Variants in CTNNA3 observed in about 807,000 individuals in gnomAD.
The protein encoded by CTNNA3 is catenin alpha 3, also known as catenin alpha-3.
CTNNA3 carries 76 observed loss-of-function variants against 95.7 expected under a neutral mutation model. The ratio of observed to expected loss-of-function variants is 0.79; its 90% CI spans 0.66 to 0.96. CTNNA3 has a LOEUF of 0.96. CTNNA3 is among the 40% of genes least tolerant of loss of function. The probability of loss-of-function intolerance (pLI) is 0.00; values close to 1 mark genes in which losing one functional copy is unlikely to be tolerated. For missense variants in CTNNA3, 1,191 were observed against 1,089.8 expected, an observed-to-expected ratio of 1.09 and a Z score of -1.31; for synonymous variants, 431 against 374.4, an observed-to-expected ratio of 1.15 and a Z score of -1.74.
chr10:66,861,801 C>A (rs1409632472), intron 7 of CTNNA3, among the ~76,000 whole-genome samples: 4 of 152,198 alleles, frequency 2.6e-5, no homozygotes, highest in Non-Finnish European at 5.9e-5. Context: ...CTCACTGATT[C>A]ACCAAAATTT....
intron 6 of CTNNA3, among the ~76,000 whole-genome samples, chr10:67,204,252 C>T (rs576428997): frequency 7.9e-5 from 12 of 152,152 alleles, no homozygotes; most frequent in African/African-American, 1.9e-4. Flanking sequence ...AGGGGCTTGG[C>T]GGGAGGTGAT....
chr10:66,555,468 T>C (rs1842361729), intron 10 of CTNNA3, among the ~76,000 whole-genome samples: 1 of 152,138 alleles, frequency 6.6e-6, no homozygotes, highest in Non-Finnish European at 1.5e-5. Context: ...TACTTAAAAA[T>C]AATCACTGTT....
chr10:67,335,592 T>C (rs1841967324), intron 5 of CTNNA3, among the ~76,000 whole-genome samples: 1 of 152,212 alleles, frequency 6.6e-6, no homozygotes, highest in South Asian at 2.1e-4. Context: ...TCTTACTTGT[T>C]TTTATTAATC....
intron 12 of CTNNA3, among the ~76,000 whole-genome samples, chr10:66,334,465 A>T (rs2092371408): frequency 6.6e-6 from 1 of 151,696 alleles, no homozygotes; most frequent in Non-Finnish European, 1.5e-5. Flanking sequence ...TTGTCTGTAA[A>T]GTATTTTATT....
At chr10:66,639,074 T>A (rs1486180569) in intron 9 of CTNNA3, among the ~76,000 whole-genome samples, 1 of 152,198 alleles carries the variant, frequency 6.6e-6, no homozygotes, top group African/African-American at 2.4e-5. Context: ...GCTAGTTTTA[T>A]ATCTACGTTT....
intron 10 of CTNNA3, among the ~76,000 whole-genome samples, chr10:66,618,747 A>G (rs991168305): frequency 6.6e-6 from 1 of 152,128 alleles, no homozygotes. Context: ...GCACAGCAAA[A>G]GAAACTACCA....
Position 66,519,005 on chromosome 10 carries a change from C to T in CTNNA3, c.1531+1612G>A, listed in dbSNP as rs577866095. On this transcript the variant is annotated intron_variant, in intron 11 of 17. Coordinates refer to ENST00000433211, the MANE Select transcript of CTNNA3 (RefSeq NM_013266.4). ...AAAGTAATGAAGTCAATAGGTTAGA[C>T]TGGAACAAATCAGGTAACTTTAAAA... Among the ~76,000 whole-genome samples, 62 of 152,008 alleles carry T rather than the reference C, an allele frequency of 4.1e-4. 1 individual carries two copies. The highest frequency in any genetic ancestry group is 1.5e-3 in the African/African-American group (62 of 41,496).
chr10:67,398,887 T>C (rs537784462), intron 5 of CTNNA3, among the ~76,000 whole-genome samples: 25 of 152,176 alleles, frequency 1.6e-4, no homozygotes, highest in Non-Finnish European at 3.4e-4. Context: ...TTACTTCCCC[T>C]TCTGCCATGA....
intron 5 of CTNNA3, among the ~76,000 whole-genome samples, chr10:67,514,379 A>G (rs749423203): frequency 1.3e-5 from 2 of 152,204 alleles, no homozygotes; most frequent in African/African-American, 2.4e-5. Context: ...GTTCTCTAGT[A>G]TAGCATAGCC....
intron 9 of CTNNA3, among the ~76,000 whole-genome samples, chr10:66,691,038 G>T (rs987268985): frequency 6.6e-6 from 1 of 152,196 alleles, no homozygotes; most frequent in Non-Finnish European, 1.5e-5. Flanking sequence ...CGATGCAGAA[G>T]ACGGGTGATT....
chr10:66,113,994 T>C (rs2082217389), intron 13 of CTNNA3, among the ~76,000 whole-genome samples: 1 of 151,982 alleles, frequency 6.6e-6, no homozygotes, highest in African/African-American at 2.4e-5. Context: ...CTAAAAATGG[T>C]GGTGGCAGCA....
chr10:67,326,167 G>A (rs920799011), intron 5 of CTNNA3, among the ~76,000 whole-genome samples: 1 of 152,032 alleles, frequency 6.6e-6, no homozygotes. Context: ...TATGATTTTT[G>A]GTTCTTTATC....
intron 9 of CTNNA3, among the ~76,000 whole-genome samples, chr10:66,688,686 G>C (rs1474108541): frequency 6.6e-6 from 1 of 152,020 alleles, no homozygotes; most frequent in African/African-American, 2.4e-5. Context: ...TAAGAGCAGA[G>C]ACCGGCCGGG....
At chr10:67,522,914 A>G (rs929080589) in intron 4 of CTNNA3, among the ~76,000 whole-genome samples, 1 of 152,130 alleles carries the variant, frequency 6.6e-6, no homozygotes, top group Non-Finnish European at 1.5e-5. Flanking sequence ...GTGCCATTAG[A>G]CAGATTTCTA....
intron 13 of CTNNA3, among the ~76,000 whole-genome samples, chr10:66,242,307 A>G (rs1029888441): frequency 6.6e-6 from 1 of 152,186 alleles, no homozygotes; most frequent in African/African-American, 2.4e-5. Context: ...AACAGCATTA[A>G]CCGTTAAAAA....
intron 12 of CTNNA3, among the ~76,000 whole-genome samples, chr10:66,287,488 C>T (rs2132180192): frequency 6.6e-6 from 1 of 152,072 alleles, no homozygotes; most frequent in South Asian, 2.1e-4. Context: ...AGAGCCTGTG[C>T]CCATAGCCAC....
intron 1 of CTNNA3, among the ~76,000 whole-genome samples, chr10:67,742,108 A>G (rs1841343321): frequency 6.6e-6 from 1 of 151,134 alleles, no homozygotes; most frequent in Non-Finnish European, 1.5e-5. Context: ...CGAGACAGAA[A>G]GTTAACAAGG....
chr10:66,278,426 T>A (rs1322545436), intron 13 of CTNNA3, among the ~76,000 whole-genome samples: 1 of 151,868 alleles, frequency 6.6e-6, no homozygotes, highest in African/African-American at 2.4e-5. Context: ...ATTTTTCTTA[T>A]GAGAAAAAGT....
intron 17 of CTNNA3, among the ~76,000 whole-genome samples, chr10:65,959,959 C>A (rs868399031): frequency 3.9e-5 from 6 of 152,286 alleles, no homozygotes; most frequent in Middle Eastern, 6.8e-3. Flanking sequence ...CATATGCTAT[C>A]TCTGTTCATG....
Sources: gnomAD v4.1 joint callset for allele counts (sites outside exome capture counted in the v4.1 genomes callset) on GRCh38, gnomAD v4.1.1 for gene constraint, MANE v1.5 for transcripts, NCBI Gene and HGNC (gene_info 2026-07-23, HGNC 2026-07-21) for gene names.